Variants in PRKAG2 observed in about 807,000 individuals in gnomAD.
PRKAG2 encodes 5'-AMP-activated protein kinase subunit gamma-2.
In PRKAG2, 26 loss-of-function variants were observed where a neutral mutation model predicts 69.6. That is an observed-to-expected ratio of 0.37 (90% CI 0.27 to 0.52). The LOEUF (loss-of-function observed/expected upper bound fraction) is 0.52, where lower values mean the gene tolerates loss of function less well. PRKAG2 is among the 20% of genes least tolerant of loss of function. The pLI is 0.90. For synonymous variants in PRKAG2, 293 were observed against 285.0 expected, an observed-to-expected ratio of 1.03 and a Z score of -0.28; for missense variants, 557 against 740.0, an observed-to-expected ratio of 0.75 and a Z score of 2.87.
chr7:151,758,067 C>A (rs2075206738), intron 3 of PRKAG2, among the ~76,000 whole-genome samples: 1 of 152,236 alleles, frequency 6.6e-6, no homozygotes, highest in African/African-American at 2.4e-5. Flanking sequence ...CCCTACCAGA[C>A]ACCATGGTCA....
In PRKAG2 at chr7:151,632,220, T is replaced by TG; in HGVS notation, c.685-83dup. 2 of 1,125,964 alleles carry TG rather than the reference T, an allele frequency of 1.8e-6. No homozygotes were observed. The highest frequency in any genetic ancestry group is 3.9e-5 in the South Asian group (1 of 25,894). The allele number at this position is 1,125,964 out of a possible 1,614,324, so 69.7% of individuals were successfully genotyped here. On this transcript the variant is annotated intron_variant, in intron 4 of 15. Coordinates refer to ENST00000287878, the MANE Select transcript of PRKAG2 (RefSeq NM_016203.4). The surrounding 1 kb of genome is among the most constrained non-coding windows in gnomAD (Gnocchi z 4.2). ...GGCGGGCTCGCGGCCGGCCGAGCGC[T>TG]GGGGCCTGGCTCTGCCGCGCCGCCG...
Position 151,637,808 on chromosome 7 carries a change from C to T in PRKAG2, c.685-5670G>A, listed in dbSNP as rs116791053. On this transcript the variant is annotated intron_variant, in intron 4 of 15. Coordinates refer to ENST00000287878, the MANE Select transcript of PRKAG2 (RefSeq NM_016203.4). ...AATGTGCACAGGGTCAAAAGACAGA[C>T]GAATTTGTCAGCACACAGAACTTGA... Among the ~76,000 whole-genome samples the T allele has an allele frequency of 3.4e-3, 511 of 151,188 alleles. 2 individuals are homozygous for T. Among genetic ancestry groups the T allele is most frequent in the African/African-American group, 0.012 (490 of 41,080 alleles).
chr7:151,661,711 G>A (rs1485543749), intron 4 of PRKAG2, among the ~76,000 whole-genome samples: 2 of 152,160 alleles, frequency 1.3e-5, no homozygotes, highest in Non-Finnish European at 2.9e-5. Context: ...CTTCGAAACA[G>A]GTTTACTCAA....
chr7:151,675,354 G>A (rs1260678148), intron 4 of PRKAG2, 66 bp downstream of exon 4: 7 of 1,473,678 alleles, frequency 4.8e-6, no homozygotes, highest in Non-Finnish European at 5.6e-6. Flanking sequence ...CTCAGCTTGG[G>A]GCAATAACTG....
rs1554596200 is a variant in PRKAG2 at position 151,781,266 on chromosome 7, G to A, written c.352C>T (p.Pro118Ser). The stretch of plus-strand genomic sequence containing the variant: ...ATCCCACTGAAGCTCATGCGTCGAG[G>A]GGAGCGTGGCGGGGACTCCTGGTAG... ...FSYQESPPRS[P>S]RRMSFSGIFR... Residue 118 changes from proline to serine, a missense_variant, in exon 3 of 16, where the codon CCT (proline) becomes TCT (serine). Physicochemically the swap from Pro to Ser is moderately conservative, Grantham distance 74. Around this residue, in one of 2 missense-constraint regions of PRKAG2, gnomAD observed 352 missense variants for 356.7 expected, o/e 0.99. Coordinates refer to ENST00000287878, the MANE Select transcript of PRKAG2 (RefSeq NM_016203.4). The surrounding 1 kb of genome is among the most constrained non-coding windows in gnomAD (Gnocchi z 6.1). 1 of 1,614,154 alleles carries A rather than the reference G, an allele frequency of 6.2e-7. No homozygotes were observed. Among genetic ancestry groups the A allele is most frequent in the Non-Finnish European group, 8.5e-7 (1 of 1,180,054 alleles).
intron 3 of PRKAG2, among the ~76,000 whole-genome samples, chr7:151,764,982 C>T (rs1425038305): frequency 2.0e-5 from 3 of 152,204 alleles, no homozygotes; most frequent in East Asian, 1.9e-4. Flanking sequence ...TGGACATTTG[C>T]TGTGTCTGTT....
intron 1 of PRKAG2, among the ~76,000 whole-genome samples, chr7:151,875,906 A>T (rs1413715545): frequency 6.6e-6 from 1 of 151,966 alleles, no homozygotes; most frequent in African/African-American, 2.4e-5. Flanking sequence ...ACAGAGACCC[A>T]AAGTACACTC....
intron 1 of PRKAG2, among the ~76,000 whole-genome samples, chr7:151,842,788 C>T (rs938737909): frequency 2.6e-5 from 4 of 151,706 alleles, no homozygotes; most frequent in Non-Finnish European, 5.9e-5. Flanking sequence ...TAGTAAGTAG[C>T]GGTGGTAGCA....
chr7:151,773,030 A>AGG (rs1185150468), intron 3 of PRKAG2, among the ~76,000 whole-genome samples: 2 of 29,216 alleles, frequency 6.8e-5, no homozygotes, highest in African/African-American at 1.1e-4. Context: ...AGAAAGAGAG[A>AGG]GAGAGAGAGA....
intron 3 of PRKAG2, among the ~76,000 whole-genome samples, chr7:151,715,625 C>T (rs1383218723): frequency 1.3e-5 from 2 of 151,996 alleles, no homozygotes; most frequent in Admixed American, 1.3e-4. Context: ...CAAAGTGCTG[C>T]GATTACAAGC....
chr7:151,613,955 A>G (rs1819500402), intron 5 of PRKAG2, among the ~76,000 whole-genome samples: 1 of 151,390 alleles, frequency 6.6e-6, no homozygotes, highest in Non-Finnish European at 1.5e-5. Flanking sequence ...GGCGCACACC[A>G]CCACCCCTGG....
intron 1 of PRKAG2, among the ~76,000 whole-genome samples, chr7:151,805,731 T>C (rs1018711660): frequency 2.6e-5 from 4 of 152,200 alleles, no homozygotes; most frequent in African/African-American, 7.2e-5. Flanking sequence ...AGAGGCAATA[T>C]ACTATGATTA....
Position 151,632,416 on chromosome 7 carries a change from C to A in PRKAG2, c.685-278G>T. On this transcript the variant is annotated intron_variant, in intron 4 of 15. Coordinates refer to ENST00000287878, the MANE Select transcript of PRKAG2 (RefSeq NM_016203.4). This position sits in a 1 kb window ranked among gnomAD's most constrained non-coding sequence, Gnocchi z 4.2. ...CCCCCCGCGCCTTGGTACGGCCCGC[C>A]CGGGAGGAAGCGTGGGAAGGGACCC... 1.9e-6 allele frequency: 1 copy of A among 527,030 alleles called. No individual in the cohort carries two copies. The highest frequency in any genetic ancestry group is 2.4e-6 in the Non-Finnish European group (1 of 412,312). The allele number at this position is 527,030 out of a possible 1,614,324, so 32.6% of individuals were successfully genotyped here. A position where few individuals can be genotyped will look rare whatever the true frequency, so the allele number is the denominator to read the frequency against.
intron 3 of PRKAG2, among the ~76,000 whole-genome samples, chr7:151,758,347 G>C (rs1032344021): frequency 6.6e-6 from 1 of 152,194 alleles, no homozygotes; most frequent in African/African-American, 2.4e-5. Flanking sequence ...GAAGACAGTC[G>C]CTTCCAAAAA....
At chr7:151,718,798 G>A (rs73158190) in intron 3 of PRKAG2, among the ~76,000 whole-genome samples, 156 of 152,118 alleles carry the variant, frequency 1.0e-3, no homozygotes, top group Non-Finnish European at 1.0e-3. Context: ...CAAAGATGAC[G>A]GCTCAATGGG....
Position 151,719,996 on chromosome 7 carries a change from C to T in PRKAG2, c.467-44359G>A, listed in dbSNP as rs1397611752. Reference sequence around the variant, plus strand: ...GCAGCTCTGGCCCAGTCCTGGGCTCCTCCAGGTCTGTGAGCACCCCCAGGG... The same window carrying T: ...GCAGCTCTGGCCCAGTCCTGGGCTCTTCCAGGTCTGTGAGCACCCCCAGGG... On this transcript the variant is annotated intron_variant, in intron 3 of 15. Coordinates refer to ENST00000287878, the MANE Select transcript of PRKAG2 (RefSeq NM_016203.4). The surrounding 1 kb of genome is among the most constrained non-coding windows in gnomAD (Gnocchi z 5.2). Among the ~76,000 whole-genome samples, 1 of 152,220 alleles carries T rather than the reference C, an allele frequency of 6.6e-6. No individual in the cohort carries two copies. The highest frequency in any genetic ancestry group is 1.5e-5 in the Non-Finnish European group (1 of 68,044).
At chr7:151,635,014 A>G (rs1825505065) in intron 4 of PRKAG2, among the ~76,000 whole-genome samples, 2 of 144,422 alleles carry the variant, frequency 1.4e-5, no homozygotes, top group African/African-American at 2.6e-5. Flanking sequence ...CAGTGGACCT[A>G]TCTCAACTCA....
At chr7:151,715,322 CAAA>C (rs34971340) in intron 3 of PRKAG2, among the ~76,000 whole-genome samples, 2,458 of 62,414 alleles carry the variant, frequency 0.039, 131 homozygotes, top group East Asian at 0.22. Context: ...GGCCTAAAAG[CAAA>C]AAAAAAAAAA....
At chr7:151,675,225 T>G (rs996300241) in intron 4 of PRKAG2, 195 bp downstream of exon 4, 5 of 674,944 alleles carry the variant, frequency 7.4e-6, no homozygotes, top group Non-Finnish European at 2.6e-6. Flanking sequence ...CCAGCTATTT[T>G]TTGTGTATTT....
Sources: gnomAD v4.1 joint callset for allele counts (sites outside exome capture counted in the v4.1 genomes callset) on GRCh38, gnomAD v4.1.1 for gene constraint, gnomAD v4.1.1 regional missense constraint, Gnocchi (gnomAD v3.1) non-coding constraint, MANE v1.5 for transcripts, NCBI Gene and HGNC (gene_info 2026-07-23, HGNC 2026-07-21) for gene names.